Variants in RAC2 observed in about 807,000 individuals in gnomAD.
The protein encoded by RAC2 is Rac family small GTPase 2.
Under a neutral mutation model 24.0 loss-of-function variants are expected in RAC2, and 1 was observed. The ratio of observed to expected loss-of-function variants is 0.04; its 90% CI spans 0.01 to 0.20. RAC2 has a LOEUF of 0.20. RAC2 is among the 10% of genes least tolerant of loss of function. The pLI, the probability that RAC2 is intolerant of heterozygous loss-of-function variation, is 1.00. For synonymous variants in RAC2, 114 were observed against 106.8 expected, an observed-to-expected ratio of 1.07 and a Z score of -0.41; for missense variants, 130 against 259.1, an observed-to-expected ratio of 0.50 and a Z score of 3.42.
chr22:37,232,997 T>G, intron 2 of RAC2, 79 bp from the exon 3 acceptor site: 1 of 1,078,134 alleles, frequency 9.3e-7, no homozygotes, highest in Non-Finnish European at 1.4e-6. Flanking sequence ...CTCCATGTCA[T>G]TCCTCGGAGG....
In RAC2 at chr22:37,231,190, C is replaced by T; in HGVS notation, c.448+41G>A. 6.2e-7 allele frequency: 1 copy of T among 1,611,004 alleles called. No individual in the cohort carries two copies. Among genetic ancestry groups the T allele is most frequent in the East Asian group, 2.2e-5 (1 of 44,862 alleles). On this transcript the variant is annotated intron_variant, in intron 5 of 6. Transcript: ENST00000249071. This position sits in a 1 kb window ranked among gnomAD's most constrained non-coding sequence, Gnocchi z 5.5. ...ACACCACGAGGCCAAGTCAGGGCCT[C>T]CCCTGCAGCCAGATCGCCCCTCTGA...
rs1191804605 is a variant in RAC2 at position 37,243,985 on chromosome 22, G to A, written c.35+129C>T. On this transcript the variant is annotated intron_variant, in intron 1 of 6. Transcript: ENST00000249071. ...CCTGTGGGCCCTCGGAGAAGGAAGC[G>A]TCCCCTCCAAGCTGCCTTCCAGGGA... 15 of 1,272,420 alleles carry A rather than the reference G, an allele frequency of 1.2e-5. No individual in the cohort carries two copies. In the East Asian group the frequency reaches 1.2e-4, roughly 10 times the overall value. The allele number at this position is 1,272,420 out of a possible 1,614,324, so 78.8% of individuals were successfully genotyped here.
intron 2 of RAC2, among the ~76,000 whole-genome samples, chr22:37,237,990 T>C (rs1287582957): frequency 6.6e-6 from 1 of 151,140 alleles, no homozygotes; most frequent in African/African-American, 2.4e-5. Flanking sequence ...AGCAGGGAAC[T>C]GAATGACAGG....
chr22:37,232,224 A>G (rs776509811), intron 3 of RAC2, among the ~76,000 whole-genome samples: 25 of 152,210 alleles, frequency 1.6e-4, no homozygotes, highest in Non-Finnish European at 2.8e-4. Context: ...TTATCCTCAC[A>G]TGTCACTCTG....
intron 2 of RAC2, among the ~76,000 whole-genome samples, chr22:37,238,397 C>T (rs1470032729): frequency 1.3e-5 from 2 of 151,964 alleles, no homozygotes; most frequent in African/African-American, 2.4e-5. Context: ...CCACCATGCC[C>T]GGCTAATTTT....
chr22:37,238,371 G>A (rs1307331050), intron 2 of RAC2, among the ~76,000 whole-genome samples: 1 of 151,998 alleles, frequency 6.6e-6, no homozygotes, highest in East Asian at 1.9e-4. Flanking sequence ...CGAGTCGCTG[G>A]GACTACAGGC....
At chr22:37,229,156 C>T (rs1317644786) in intron 5 of RAC2, among the ~76,000 whole-genome samples, 1 of 152,206 alleles carries the variant, frequency 6.6e-6, no homozygotes, top group African/African-American at 2.4e-5. Context: ...CACTTTGGCT[C>T]GGCCTCTCAC....
At chr22:37,240,460 C>T (rs1927353688) in intron 2 of RAC2, among the ~76,000 whole-genome samples, 1 of 152,234 alleles carries the variant, frequency 6.6e-6, no homozygotes, top group Non-Finnish European at 1.5e-5. Flanking sequence ...AATGAGATCA[C>T]ACATGTGTGA....
chr22:37,238,608 G>A (rs1242764787), intron 2 of RAC2, among the ~76,000 whole-genome samples: 4 of 152,194 alleles, frequency 2.6e-5, no homozygotes, highest in Non-Finnish European at 5.9e-5. Context: ...AGGTGTAAGG[G>A]GGCGCCCCTC....
rs55743339 is a variant in RAC2, at chr22:37,236,456, G to T, written c.108-3538C>A. Among the ~76,000 whole-genome samples the T allele has an allele frequency of 3.4e-3, 519 of 152,354 alleles. 1 individual carries two copies. Among genetic ancestry groups the T allele is most frequent in the African/African-American group, 0.012 (502 of 41,574 alleles). ...AAATTGAGGCTTACAGAGAGGAAGG[G>T]ACTTGCCCAAGATCTCCCAGCCAGT... On this transcript the variant is annotated intron_variant, in intron 2 of 6. Transcript: ENST00000249071.
rs374925865 is a variant in RAC2 at position 37,226,829 on chromosome 22, C to T, written c.449-26G>A. On this transcript the variant is annotated intron_variant, in intron 5 of 6. Coordinates refer to ENST00000249071, the MANE Select transcript of RAC2 (RefSeq NM_002872.5). ...CTGGTTGGGGAGATGGACAGGAGAG[C>T]CAAGGCCTAAGTGGCGGGGGGGGTT... is the stretch of plus-strand genomic sequence containing the variant. 1.3e-5 allele frequency: 21 copies of T among 1,607,550 alleles called. No individual in the cohort carries two copies. The African/African-American group carries it at 2.2e-4, about 17-fold the overall frequency.
chr22:37,238,199 C>T (rs1927290464), intron 2 of RAC2, among the ~76,000 whole-genome samples: 1 of 151,968 alleles, frequency 6.6e-6, no homozygotes, highest in South Asian at 2.1e-4. Context: ...GAGATTTAGG[C>T]CAGGTTAACT....
Position 37,234,015 on chromosome 22 carries a change from G to A in RAC2, c.108-1097C>T, listed in dbSNP as rs542622641. 9.8e-5 allele frequency among the ~76,000 whole-genome samples: 15 copies of A among 152,344 alleles called. 1 individual carries two copies. The East Asian group carries it at 2.7e-3, about 27-fold the overall frequency. On this transcript the variant is annotated intron_variant, in intron 2 of 6. Transcript: ENST00000249071. ...AGACACATGCTGCCGAGGAGATGGT[G>A]TGAGGCACTGACCTTGACTCCCAAT...
rs117830350 is a variant in RAC2 at position 37,228,319 on chromosome 22, G to A, written c.449-1516C>T. 2.0e-3 allele frequency among the ~76,000 whole-genome samples: 303 copies of A among 152,198 alleles called. 7 individuals are homozygous for A. The East Asian group carries it at 0.051, about 26-fold the overall frequency. The stretch of plus-strand genomic sequence containing the variant: ...TGAAGACCCCTCAGGGCTAGAGCCC[G>A]GGGCACAGATGAGGAGAAAGGCAGG... On this transcript the variant is annotated intron_variant, in intron 5 of 6. Coordinates refer to ENST00000249071, the MANE Select transcript of RAC2 (RefSeq NM_002872.5).
At position 37,241,535 on chromosome 22, in the gene RAC2, G is replaced by C. The variant is rs1334260933; in HGVS notation, c.107+52C>G. On this transcript the variant is annotated intron_variant, in intron 2 of 6. Coordinates refer to ENST00000249071, the MANE Select transcript of RAC2 (RefSeq NM_002872.5). ...AAGTGCCTGAAAGGGGGGTCGACTT[G>C]GTGACGGTCTCTCCCCTCCTCCCAC... 1.3e-5 allele frequency: 20 copies of C among 1,552,002 alleles called. No individual in the cohort carries two copies. In the East Asian group the frequency reaches 3.4e-4, roughly 26 times the overall value.
In RAC2 at chr22:37,226,661, G is replaced by T. The variant is rs1398296415; in HGVS notation, c.*2+10C>A. ...TATGGGAGTTGGGCACTAGAGTGGG[G>T]GACTCTTACCCCTAGAGGAGGCTGC... On this transcript the variant is annotated intron_variant, in intron 6 of 6. Coordinates refer to ENST00000249071, the MANE Select transcript of RAC2 (RefSeq NM_002872.5). The T allele has an allele frequency of 5.6e-6, 9 of 1,612,208 alleles. 1 individual carries two copies. The highest frequency in any genetic ancestry group is 1.7e-6 in the Non-Finnish European group (2 of 1,179,134).
chr22:37,237,950 G>A (rs1304298508), intron 2 of RAC2, among the ~76,000 whole-genome samples: 1 of 151,752 alleles, frequency 6.6e-6, no homozygotes, highest in South Asian at 2.1e-4. Context: ...GGGGGCTGCT[G>A]TAGACAGGGG....
intron 2 of RAC2, among the ~76,000 whole-genome samples, chr22:37,234,530 T>C (rs1253833994): frequency 1.3e-5 from 2 of 152,152 alleles, no homozygotes; most frequent in Non-Finnish European, 2.9e-5. Context: ...AGGGAATCAC[T>C]GTCACTTTTC....
intron 1 of RAC2, among the ~76,000 whole-genome samples, chr22:37,243,911 G>A (rs1021202815): frequency 6.6e-6 from 1 of 152,062 alleles, no homozygotes; most frequent in Admixed American, 6.5e-5. Flanking sequence ...TCTGGGGTGG[G>A]GTGGGGCTGA....
Sources: allele counts gnomAD v4.1 joint callset (sites outside exome capture counted in the v4.1 genomes callset), GRCh38; gene constraint gnomAD v4.1.1; non-coding constraint Gnocchi (gnomAD v3.1); transcripts MANE v1.5; gene names NCBI Gene and HGNC (gene_info 2026-07-23, HGNC 2026-07-21).